Variants in SLC7A8 observed in about 807,000 individuals in gnomAD.
SLC7A8 encodes large neutral amino acids transporter small subunit 2.
SLC7A8 carries 30 observed loss-of-function variants against 51.2 expected under a neutral mutation model. The ratio of observed to expected loss-of-function variants is 0.59; its 90% CI spans 0.44 to 0.80. The LOEUF is 0.80. SLC7A8 is among the 30% of genes least tolerant of loss of function. The pLI, the probability that SLC7A8 is intolerant of heterozygous loss-of-function variation, is 0.00. For missense variants in SLC7A8, 612 were observed against 674.4 expected (o/e 0.91, Z 1.03); for synonymous variants, 257 against 275.8 (o/e 0.93, Z 0.67).
intron 3 of SLC7A8, among the ~76,000 whole-genome samples, chr14:23,148,917 C>T (rs574766348): frequency 6.9e-4 from 105 of 152,142 alleles, no homozygotes; most frequent in Non-Finnish European, 1.2e-3. Flanking sequence ...AAATGGATAC[C>T]AGACAGACAT....
At chr14:23,175,570 A>T (rs1315905174) in intron 1 of SLC7A8, among the ~76,000 whole-genome samples, 1 of 152,164 alleles carries the variant, frequency 6.6e-6, no homozygotes, top group Non-Finnish European at 1.5e-5. Context: ...TCTTGGACAT[A>T]GTTTCTTACC....
At chr14:23,144,370 T>TG (rs2048772205) in intron 3 of SLC7A8, among the ~76,000 whole-genome samples, 4 of 133,280 alleles carry the variant, frequency 3.0e-5, no homozygotes, top group Admixed American at 2.5e-4. Context: ...TTTTGGCTAA[T>TG]AGGCATGTAG....
intron 7 of SLC7A8, among the ~76,000 whole-genome samples, chr14:23,132,969 G>C (rs2048653652): frequency 6.6e-6 from 1 of 151,406 alleles, no homozygotes; most frequent in Non-Finnish European, 1.5e-5. Flanking sequence ...AATTGAGGCA[G>C]GGTCTTGCCA....
intron 3 of SLC7A8, among the ~76,000 whole-genome samples, chr14:23,149,907 G>A (rs1420782689): frequency 2.0e-5 from 3 of 152,120 alleles, no homozygotes; most frequent in African/African-American, 7.2e-5. Flanking sequence ...TGCTGTATAG[G>A]TTTGTAGACT....
At chr14:23,160,015 T>C (rs1260189728) in intron 3 of SLC7A8, among the ~76,000 whole-genome samples, 2 of 152,140 alleles carry the variant, frequency 1.3e-5, no homozygotes, top group Non-Finnish European at 2.9e-5. Flanking sequence ...AAAGAATTGA[T>C]TCCACTTCAG....
At chr14:23,162,824 G>C (rs760369610) in intron 3 of SLC7A8, among the ~76,000 whole-genome samples, 9 of 152,186 alleles carry the variant, frequency 5.9e-5, no homozygotes, top group Non-Finnish European at 8.8e-5. Context: ...GGCTGCCTGG[G>C]AACTTCTTCA....
At position 23,127,948 on chromosome 14, in the gene SLC7A8, CAACCCCA is replaced by C. The variant is rs1367403266; in HGVS notation, c.1441+64_1441+70del. ...AGATCTCCTGGCCCTGGTGGCTCCCCAACCCCATCACTGACCACTGCATTCCAGCCCA... is the reference window on the plus strand; with the variant it reads ...AGATCTCCTGGCCCTGGTGGCTCCCCTCACTGACCACTGCATTCCAGCCCA... On this transcript the variant is annotated intron_variant, in intron 10 of 10. Transcript: ENST00000316902. 7 of 1,440,606 alleles carry C rather than the reference CAACCCCA, an allele frequency of 4.9e-6. No homozygotes were observed. The Admixed American group carries it at 1.3e-4, about 27-fold the overall frequency. The allele number at this position is 1,440,606 out of a possible 1,614,324, so 89.2% of individuals were successfully genotyped here.
chr14:23,148,435 C>A (rs1023805276), intron 3 of SLC7A8, among the ~76,000 whole-genome samples: 2 of 152,086 alleles, frequency 1.3e-5, no homozygotes, highest in African/African-American at 4.8e-5. Flanking sequence ...ACCATGTTGG[C>A]CAGGCTGGTC....
At chr14:23,179,565 T>C (rs1877072436) in intron 1 of SLC7A8, among the ~76,000 whole-genome samples, 1 of 151,338 alleles carries the variant, frequency 6.6e-6, no homozygotes, top group Non-Finnish European at 1.5e-5. Flanking sequence ...ATCCCAGCAC[T>C]GATAGGCCGA....
At chr14:23,132,672 G>C (rs923626523) in intron 7 of SLC7A8, among the ~76,000 whole-genome samples, 1 of 136,236 alleles carries the variant, frequency 7.3e-6, no homozygotes, top group Non-Finnish European at 1.6e-5. Flanking sequence ...TTTCACTCTT[G>C]TTGCCCAGGC....
intron 7 of SLC7A8, among the ~76,000 whole-genome samples, chr14:23,133,100 G>A (rs1459968693): frequency 1.3e-5 from 2 of 152,106 alleles, no homozygotes; most frequent in Non-Finnish European, 2.9e-5. Flanking sequence ...TATGTAAATT[G>A]TACTTAAAAA....
chr14:23,135,771 G>A (rs2048685059), intron 7 of SLC7A8, among the ~76,000 whole-genome samples: 1 of 152,108 alleles, frequency 6.6e-6, no homozygotes, highest in South Asian at 2.1e-4. Context: ...AATATTGAAG[G>A]AGATGGGATA....
intron 3 of SLC7A8, among the ~76,000 whole-genome samples, chr14:23,162,230 G>A (rs1354467133): frequency 6.6e-6 from 1 of 152,164 alleles, no homozygotes; most frequent in South Asian, 2.1e-4. Flanking sequence ...CAGAGGGATG[G>A]CAGCTCCACA....
At chr14:23,180,206 C>CT (rs546165285) in intron 1 of SLC7A8, among the ~76,000 whole-genome samples, 12 of 152,122 alleles carry the variant, frequency 7.9e-5, no homozygotes, top group Non-Finnish European at 1.3e-4. Context: ...GCACCCGGCC[C>CT]TTTTTTTGCC....
intron 1 of SLC7A8, among the ~76,000 whole-genome samples, chr14:23,173,004 G>A (rs2048982274): frequency 2.6e-5 from 4 of 152,204 alleles, no homozygotes; most frequent in East Asian, 3.9e-4. Context: ...GTAAAGACAC[G>A]TAACAAAATT....
In SLC7A8 at chr14:23,143,090, T is replaced by C. The variant is rs138364756; in HGVS notation, c.623A>G (p.Gln208Arg). The C allele has an allele frequency of 2.4e-5, 39 of 1,614,082 alleles. No homozygotes were observed. The highest frequency in any genetic ancestry group is 2.9e-5 in the Non-Finnish European group (34 of 1,180,038). ...CCTGCGATACTCACCTTTGCATATCTGTACAATCCCCATGATGATAATCAG... is the reference window on the plus strand; with the variant it reads ...CCTGCGATACTCACCTTTGCATATCCGTACAATCCCCATGATGATAATCAG... ...LALIIIMGIV[Q>R]ICKGEYFWLE... The change falls in exon 4 of 11, where the codon CAG (glutamine) becomes CGG (arginine). Residue 208 changes from glutamine to arginine, a missense_variant. Physicochemically the swap from Gln to Arg is conservative, Grantham distance 43. Coordinates refer to ENST00000316902, the MANE Select transcript of SLC7A8 (RefSeq NM_012244.4).
At chr14:23,166,134 C>T (rs2048948566) in intron 2 of SLC7A8, among the ~76,000 whole-genome samples, 1 of 151,700 alleles carries the variant, frequency 6.6e-6, no homozygotes, top group South Asian at 2.1e-4. Flanking sequence ...CCTGGTCCTC[C>T]ATCATTATCG....
At position 23,128,552 on chromosome 14, in the gene SLC7A8, TGGGTGTGTCTGCTGAGGTCCTA is replaced by T. The variant is rs1156528751; in HGVS notation, c.1264-378_1264-357del. On this transcript the variant is annotated intron_variant, in intron 9 of 10. Coordinates refer to ENST00000316902, the MANE Select transcript of SLC7A8 (RefSeq NM_012244.4). The surrounding 1 kb of genome is among the most constrained non-coding windows in gnomAD (Gnocchi z 4.3). ...AGGGATGGAGAAGCTTGCTGGCACA[TGGGTGTGTCTGCTGAGGTCCTA>T]GGGTGGAGGGGAGGTGTGGCAATGC... Among the ~76,000 whole-genome samples, 1 of 152,092 alleles carries T rather than the reference TGGGTGTGTCTGCTGAGGTCCTA, an allele frequency of 6.6e-6. No homozygotes were observed. The highest frequency in any genetic ancestry group is 1.5e-5 in the Non-Finnish European group (1 of 67,998).
chr14:23,142,198 CCT>C (rs565889775), intron 4 of SLC7A8, among the ~76,000 whole-genome samples: 217 of 152,246 alleles, frequency 1.4e-3, no homozygotes, highest in Middle Eastern at 6.8e-3. Context: ...GGGAAATTTC[CCT>C]GTTTGTCACC....
Sources: gnomAD v4.1 joint callset for allele counts (sites outside exome capture counted in the v4.1 genomes callset) on GRCh38, gnomAD v4.1.1 for gene constraint, Gnocchi (gnomAD v3.1) non-coding constraint, MANE v1.5 for transcripts, NCBI Gene and HGNC (gene_info 2026-07-23, HGNC 2026-07-21) for gene names.